Variants in TPO observed in about 807,000 individuals in gnomAD.
The protein encoded by TPO is thyroid microsomal antigen.
A neutral mutation model predicts 96.9 loss-of-function variants in TPO; 78 were observed. That is an observed-to-expected ratio of 0.81 (90% CI 0.67 to 0.97). The LOEUF is 0.97. TPO is among the 50% of genes least tolerant of loss of function. The pLI is 0.00. For synonymous variants in TPO, 547 were observed against 538.0 expected, an observed-to-expected ratio of 1.02 and a Z score of -0.23; for missense variants, 1,252 against 1,274.8, an observed-to-expected ratio of 0.98 and a Z score of 0.27.
intron 1 of TPO, among the ~76,000 whole-genome samples, chr2:1,400,581 A>AAG (rs1186739789): frequency 5.4e-5 from 8 of 148,418 alleles, no homozygotes; most frequent in South Asian, 2.1e-4. Flanking sequence ...AAAAAAAAAA[A>AAG]AAAAAAAGAA....
intron 1 of TPO, among the ~76,000 whole-genome samples, chr2:1,375,133 A>G (rs1363081290): frequency 6.6e-6 from 1 of 152,150 alleles, no homozygotes; most frequent in Non-Finnish European, 1.5e-5. Flanking sequence ...AAAGGGAAAA[A>G]AAAGCATGAA....
chr2:1,451,692 C>T (rs145410448), intron 5 of TPO, among the ~76,000 whole-genome samples: 16 of 152,302 alleles, frequency 1.1e-4, no homozygotes, highest in African/African-American at 2.9e-4. Flanking sequence ...CCCACACGGG[C>T]GTGACTGACA....
chr2:1,484,102 T>C (rs1381494538), intron 8 of TPO, among the ~76,000 whole-genome samples: 1 of 152,234 alleles, frequency 6.6e-6, no homozygotes, highest in Non-Finnish European at 1.5e-5. Context: ...TACATAATTC[T>C]CCTGGGACCA....
At chr2:1,463,082 G>A (rs1033534858) in intron 7 of TPO, among the ~76,000 whole-genome samples, 4 of 152,044 alleles carry the variant, frequency 2.6e-5, no homozygotes, top group African/African-American at 9.7e-5. Flanking sequence ...AAAATAAAAG[G>A]CAAGACCACA....
At chr2:1,498,985 C>T (rs3755551) in intron 13 of TPO, among the ~76,000 whole-genome samples, 44,790 of 152,040 alleles carry the variant, frequency 0.29, 6,712 homozygotes, top group Admixed American at 0.34. Flanking sequence ...CGTTAACAAG[C>T]CTTCCTATGG....
chr2:1,415,111 ACCTCGCCGGGC>A (rs1662769620), intron 2 of TPO, among the ~76,000 whole-genome samples: 1 of 146,436 alleles, frequency 6.8e-6, no homozygotes, highest in African/African-American at 2.6e-5. Context: ...AGCAGGTGAC[ACCTCGCCGGGC>A]AGGTCCCTGG....
Position 1,405,913 on chromosome 2 carries a change from C to A in TPO, n.180+31511C>A, listed in dbSNP as rs144121510. ...ATTCTAGATTAGGCTTCTTTTTAGACCTTTGTGGTTTTTTCTACAGTCACC... is the reference window on the plus strand; with the variant it reads ...ATTCTAGATTAGGCTTCTTTTTAGAACTTTGTGGTTTTTTCTACAGTCACC... On this transcript the variant is annotated intron_variant and non_coding_transcript_variant, in intron 1 of 5. Transcript: ENST00000497517. Among the ~76,000 whole-genome samples, 19 of 152,312 alleles carry A rather than the reference C, an allele frequency of 1.2e-4. No homozygotes were observed. In the East Asian group the frequency reaches 3.1e-3, roughly 25 times the overall value.
chr2:1,537,795 G>C (rs1297309573), intron 15 of TPO, among the ~76,000 whole-genome samples: 1 of 96,922 alleles, frequency 1.0e-5, no homozygotes, highest in Non-Finnish European at 1.9e-5. Flanking sequence ...CCCCCATTGT[G>C]AGCAATGTCC....
chr2:1,414,655 A>G (rs1360020064), intron 2 of TPO, among the ~76,000 whole-genome samples, 153 bp downstream of exon 2: 1 of 152,086 alleles, frequency 6.6e-6, no homozygotes, highest in Admixed American at 6.5e-5. Context: ...GTAATTCTTG[A>G]TTTTAGAAGG....
intron 1 of TPO, among the ~76,000 whole-genome samples, chr2:1,395,506 G>C (rs1031944500): frequency 6.6e-6 from 1 of 152,082 alleles, no homozygotes; most frequent in African/African-American, 2.4e-5. Context: ...TTTTTTGATA[G>C]ATTTAAGATA....
chr2:1,495,677 T>G (rs948548691), intron 11 of TPO, among the ~76,000 whole-genome samples: 1 of 152,138 alleles, frequency 6.6e-6, no homozygotes, highest in Non-Finnish European at 1.5e-5. Flanking sequence ...CCCCTCCACA[T>G]CTCCTTCGGG....
intron 1 of TPO, among the ~76,000 whole-genome samples, chr2:1,381,213 G>T (rs928591022): frequency 1.3e-5 from 2 of 152,140 alleles, no homozygotes; most frequent in African/African-American, 4.8e-5. Flanking sequence ...ACTATCATCA[G>T]AGTGAACAGG....
intron 1 of TPO, among the ~76,000 whole-genome samples, chr2:1,378,785 T>C (rs1013696946): frequency 6.6e-6 from 1 of 152,154 alleles, no homozygotes; most frequent in Non-Finnish European, 1.5e-5. Flanking sequence ...CCTGAGCTGC[T>C]GTAGGGTGAA....
rs146980433 is a variant in TPO at position 1,480,206 on chromosome 2, A to G, written c.1338+2602A>G. Among the ~76,000 whole-genome samples, 595 of 152,154 alleles carry G rather than the reference A, an allele frequency of 3.9e-3. 2 individuals carry two copies. Among genetic ancestry groups the G allele is most frequent in the Middle Eastern group, 0.01 (3 of 294 alleles). ...TTCTGCTTTTTAAAAAACTGTGAAC[A>G]TTCTTTTCTTCTTGGTTTTACATTT... On this transcript the variant is annotated intron_variant, in intron 8 of 16. Coordinates refer to ENST00000329066, the MANE Select transcript of TPO (RefSeq NM_001206744.2).
At chr2:1,497,809 G>A (rs78318017) in intron 13 of TPO, among the ~76,000 whole-genome samples, 4 of 152,184 alleles carry the variant, frequency 2.6e-5, no homozygotes, top group East Asian at 3.9e-4. Context: ...AGATGGTCTC[G>A]TGCAAGAATC....
intron 5 of TPO, among the ~76,000 whole-genome samples, chr2:1,436,598 C>T (rs1368970021): frequency 6.6e-6 from 1 of 152,196 alleles, no homozygotes; most frequent in Admixed American, 6.5e-5. Flanking sequence ...GCCACAACGT[C>T]CCATCCACAT....
intron 1 of TPO, among the ~76,000 whole-genome samples, chr2:1,381,305 T>C (rs190933562): frequency 6.6e-6 from 1 of 152,180 alleles, no homozygotes; most frequent in Non-Finnish European, 1.5e-5. Flanking sequence ...AGAACTTAAA[T>C]TTACAAGAAA....
At chr2:1,374,385 C>T (rs978709353) in exon 1 of TPO, 14 of 152,266 alleles carry the variant, frequency 9.2e-5, no homozygotes, top group Non-Finnish European at 1.9e-4. Context: ...TGGCGGCCCA[C>T]TACCCACCGT....
chr2:1,535,868 T>A, intron 15 of TPO, among the ~76,000 whole-genome samples: 1 of 50,276 alleles, frequency 2.0e-5, no homozygotes. Flanking sequence ...TCCCCCCAAC[T>A]TTGTGCAACC....
Sources: allele counts gnomAD v4.1 joint callset (sites outside exome capture counted in the v4.1 genomes callset), GRCh38; gene constraint gnomAD v4.1.1; transcripts MANE v1.5; gene names NCBI Gene and HGNC (gene_info 2026-07-23, HGNC 2026-07-21).